Variants in CYP2B6 observed in about 807,000 individuals in gnomAD.
The protein encoded by CYP2B6 is cytochrome P450 2B6.
Under a neutral mutation model 43.4 loss-of-function variants are expected in CYP2B6, and 35 were observed. The ratio of observed to expected loss-of-function variants is 0.81; its 90% CI spans 0.62 to 1.07. The LOEUF is 1.07. Ranked by LOEUF, CYP2B6 falls within the 50% of genes least tolerant of loss-of-function variation. The probability of loss-of-function intolerance (pLI) is 0.00; values close to 1 mark genes in which losing one functional copy is unlikely to be tolerated. For missense variants in CYP2B6, 624 were observed against 632.8 expected (o/e 0.99, Z 0.15); for synonymous variants, 239 against 239.2 (o/e 1.00, Z 0.01).
rs138594605 is a variant in CYP2B6, at chr19:41,010,046, C to T, written c.875C>T (p.Thr292Met). ...EFSHQNLNLNTLSLFFAGTET... is the reference protein window; with the variant it reads ...EFSHQNLNLNMLSLFFAGTET... ...AGCCACCAGAACCTCAACCTCAACA[C>T]GCTCTCGCTCTTCTTTGCTGGCACT... Residue 292 changes from threonine (T) to methionine (M), a missense_variant, in exon 6 of 9, where the codon ACG becomes ATG. Coordinates refer to ENST00000324071, the MANE Select transcript of CYP2B6 (RefSeq NM_000767.5). 4.2e-5 allele frequency: 67 copies of T among 1,614,044 alleles called. No homozygotes were observed. The highest frequency in any genetic ancestry group is 5.3e-5 in the African/African-American group (4 of 74,910).
intron 5 of CYP2B6, 149 bp from the exon 6 acceptor site, chr19:41,009,845 T>C: frequency 1.3e-6 from 1 of 776,378 alleles, no homozygotes; most frequent in Non-Finnish European, 2.2e-6. Context: ...GATACGCGGT[T>C]GGATGTGTAG....
chr19:41,009,604 G>A (rs1969246456), intron 5 of CYP2B6: 2 of 636,178 alleles, frequency 3.1e-6, no homozygotes, highest in Admixed American at 2.9e-5. Context: ...GAGGAACTGA[G>A]ACAGGGAGAG....
intron 8 of CYP2B6, among the ~76,000 whole-genome samples, chr19:41,013,451 G>A (rs1969315535): frequency 6.6e-6 from 1 of 152,202 alleles, no homozygotes; most frequent in South Asian, 2.1e-4. Flanking sequence ...CATGTTCATG[G>A]GTGAGCATCA....
At chr19:41,012,871 A>G in intron 8 of CYP2B6, 56 bp downstream of exon 8, 1 of 1,591,670 alleles carries the variant, frequency 6.3e-7, no homozygotes, top group South Asian at 1.1e-5. Context: ...ACTATCCCCA[A>G]CTTGAGAAAA....
At chr19:40,993,479 C>A (rs1225212552) in intron 1 of CYP2B6, among the ~76,000 whole-genome samples, 3 of 152,076 alleles carry the variant, frequency 2.0e-5, no homozygotes, top group African/African-American at 7.3e-5. Flanking sequence ...GAGAGAGAGC[C>A]AAGGGGGAAG....
At chr19:41,009,694 C>A in intron 5 of CYP2B6, 2 of 597,070 alleles carry the variant, frequency 3.3e-6, no homozygotes, top group South Asian at 4.1e-5. Context: ...GGGCAAGGGA[C>A]AAAAATACAG....
At chr19:41,012,156 G>C in intron 6 of CYP2B6, 142 bp from the exon 7 acceptor site, 2 of 768,894 alleles carry the variant, frequency 2.6e-6, no homozygotes, top group Non-Finnish European at 4.4e-6. Context: ...TGCCATGTTG[G>C]CCAGGCTCAT....
intron 8 of CYP2B6, 116 bp downstream of exon 8, chr19:41,012,931 C>A: frequency 8.3e-7 from 1 of 1,203,296 alleles, no homozygotes; most frequent in Non-Finnish European, 1.2e-6. Flanking sequence ...CTGATTGCTT[C>A]ACCTGCCTTA....
intron 3 of CYP2B6, among the ~76,000 whole-genome samples, chr19:41,006,325 A>ATTTTTTTTTT (rs35039672): frequency 8.4e-6 from 1 of 118,538 alleles, no homozygotes; most frequent in Non-Finnish European, 1.7e-5. Context: ...GTCTAGCTAC[A>ATTTTTTTTTT]TTTTTTTTTT....
chr19:41,008,709 T>C (rs902832067), intron 4 of CYP2B6, among the ~76,000 whole-genome samples: 1 of 152,160 alleles, frequency 6.6e-6, no homozygotes. Context: ...TGACTATATA[T>C]GTTTGCATTT....
chr19:41,000,433 C>T (rs1235779491), intron 1 of CYP2B6, among the ~76,000 whole-genome samples: 1 of 152,154 alleles, frequency 6.6e-6, no homozygotes, highest in Non-Finnish European at 1.5e-5. Flanking sequence ...AAGCTCCAAG[C>T]CTGACTCAGC....
At chr19:41,014,394 C>A (rs1253216383) in intron 8 of CYP2B6, among the ~76,000 whole-genome samples, 1 of 152,042 alleles carries the variant, frequency 6.6e-6, no homozygotes, top group East Asian at 1.9e-4. Context: ...CAACCTCTGC[C>A]TCCCAGGTTC....
At chr19:41,005,784 AAATAAT>A (rs917784796) in intron 3 of CYP2B6, among the ~76,000 whole-genome samples, 2 of 151,462 alleles carry the variant, frequency 1.3e-5, no homozygotes, top group African/African-American at 4.9e-5. Flanking sequence ...CTGTCTCCAA[AAATAAT>A]AATAATAATA....
In CYP2B6 at chr19:41,010,104, C is replaced by T. The variant is rs35468935; in HGVS notation, c.933C>T (p.Phe311=). Residue 311 remains phenylalanine, a synonymous_variant, in exon 6 of 9, where the codon TTC becomes TTT. Coordinates refer to ENST00000324071, the MANE Select transcript of CYP2B6 (RefSeq NM_000767.5). ...ETTSTTLRYG[F]LLMLKYPHVA... The stretch of plus-strand genomic sequence containing the variant: ...CCAGCACCACTCTCCGCTACGGCTT[C>T]CTGCTCATGCTCAAATACCCTCATG... 1,653 of 1,613,746 alleles carry T rather than the reference C, an allele frequency of 1.0e-3. 13 individuals carry two copies. In the African/African-American group the frequency reaches 0.019, roughly 19 times the overall value.
At chr19:41,002,288 G>A (rs1392201655) in intron 1 of CYP2B6, among the ~76,000 whole-genome samples, 1 of 152,130 alleles carries the variant, frequency 6.6e-6, no homozygotes, top group Admixed American at 6.6e-5. Flanking sequence ...AAGGGGCTTT[G>A]CAGAGATCAA....
chr19:41,003,119 G>A (rs1240926422), intron 1 of CYP2B6, among the ~76,000 whole-genome samples: 1 of 152,050 alleles, frequency 6.6e-6, no homozygotes, highest in African/African-American at 2.4e-5. Context: ...ATGTACCTGG[G>A]AGTGAAGTGG....
At position 41,016,511 on chromosome 19, in the gene CYP2B6, C is replaced by T. The variant is rs145557512; in HGVS notation, c.1295-135C>T. 45 of 838,454 alleles carry T rather than the reference C, an allele frequency of 5.4e-5. No homozygotes were observed. The African/African-American group carries it at 5.7e-4, about 11-fold the overall frequency. The allele number at this position is 838,454 out of a possible 1,614,324, so 51.9% of individuals were successfully genotyped here. Reference sequence around the variant, plus strand: ...TTCAGAGCAGCTTCCTAAAAGTCCACCCTGAATTGTAGGTTAAAGGCCAGT... The same window carrying T: ...TTCAGAGCAGCTTCCTAAAAGTCCATCCTGAATTGTAGGTTAAAGGCCAGT... On this transcript the variant is annotated intron_variant, in intron 8 of 8. Coordinates refer to ENST00000324071, the MANE Select transcript of CYP2B6 (RefSeq NM_000767.5).
intron 2 of CYP2B6, 53 bp downstream of exon 2, chr19:41,004,216 G>A: frequency 3.7e-6 from 6 of 1,611,648 alleles, no homozygotes; most frequent in Non-Finnish European, 5.1e-6. Context: ...CATCAGGGAA[G>A]GGAGTATATG....
At position 41,012,799 on chromosome 19, in the gene CYP2B6, T is replaced by C. The variant is rs146634957; in HGVS notation, c.1278T>C (p.Phe426=). 1.9e-6 allele frequency: 3 copies of C among 1,614,202 alleles called. No homozygotes were observed. The highest frequency in any genetic ancestry group is 2.5e-6 in the Non-Finnish European group (3 of 1,180,038). The stretch of plus-strand genomic sequence containing the variant: ...GGGCACTGAAAAAGACTGAAGCTTT[T>C]ATCCCCTTCTCCTTAGGTAAGCTGG... The part of the protein sequence containing the change: ...ANGALKKTEA[F]IPFSLGKRIC... The change falls in exon 8 of 9, where the codon TTT becomes TTC. Residue 426 remains phenylalanine, a synonymous_variant. Coordinates refer to ENST00000324071, the MANE Select transcript of CYP2B6 (RefSeq NM_000767.5).
Sources: gnomAD v4.1 joint callset for allele counts (sites outside exome capture counted in the v4.1 genomes callset) on GRCh38, gnomAD v4.1.1 for gene constraint, MANE v1.5 for transcripts, NCBI Gene and HGNC (gene_info 2026-07-23, HGNC 2026-07-21) for gene names.